Variants in TBC1D32 observed in about 807,000 individuals in gnomAD.
TBC1D32 encodes TBC1 domain family member 32.
A neutral mutation model predicts 170.3 loss-of-function variants in TBC1D32; 151 were observed. The observed-to-expected ratio is 0.89, with a 90% confidence interval of 0.78 to 1.01. TBC1D32 has a LOEUF of 1.01. Among genes scored for constraint, TBC1D32 ranks in the 50% least tolerant of loss-of-function variants. The pLI is 0.00. For missense variants in TBC1D32, 1,464 were observed against 1,457.1 expected (o/e 1.00, Z -0.08); for synonymous variants, 498 against 488.0 (o/e 1.02, Z -0.27).
At chr6:121,127,370 T>C (rs1385715980) in intron 25 of TBC1D32, among the ~76,000 whole-genome samples, 1 of 152,170 alleles carries the variant, frequency 6.6e-6, no homozygotes, top group Non-Finnish European at 1.5e-5. Context: ...TCATAATATT[T>C]TAATGGCTTA....
intron 21 of TBC1D32, among the ~76,000 whole-genome samples, chr6:121,220,285 A>G (rs1272832665): frequency 1.3e-5 from 2 of 152,154 alleles, no homozygotes; most frequent in African/African-American, 4.8e-5. Context: ...TAAAAGTGTT[A>G]CTCCAGGAAA....
chr6:121,208,019 G>C (rs899834287), intron 21 of TBC1D32, among the ~76,000 whole-genome samples: 2 of 151,780 alleles, frequency 1.3e-5, no homozygotes, highest in African/African-American at 2.4e-5. Flanking sequence ...CTCCTTCCTT[G>C]GGATTTTTCA....
chr6:121,147,247 G>A (rs1441054495), intron 24 of TBC1D32, among the ~76,000 whole-genome samples: 1 of 152,108 alleles, frequency 6.6e-6, no homozygotes, highest in Non-Finnish European at 1.5e-5. Flanking sequence ...TTGATTCCAT[G>A]TCTTTGCTAT....
intron 14 of TBC1D32, among the ~76,000 whole-genome samples, chr6:121,280,812 T>A (rs916710274): frequency 1.3e-5 from 2 of 151,606 alleles, no homozygotes; most frequent in Non-Finnish European, 3.0e-5. Flanking sequence ...CATTGATGGG[T>A]GAACATAAGA....
intron 22 of TBC1D32, among the ~76,000 whole-genome samples, chr6:121,195,826 G>T (rs935716522): frequency 6.6e-6 from 1 of 152,178 alleles, no homozygotes; most frequent in Non-Finnish European, 1.5e-5. Context: ...GCACATCCCT[G>T]AAGGACAGTG....
At chr6:121,271,049 T>A (rs958863417) in intron 15 of TBC1D32, among the ~76,000 whole-genome samples, 2 of 151,978 alleles carry the variant, frequency 1.3e-5, no homozygotes, top group African/African-American at 2.4e-5. Flanking sequence ...AGGCCTTCAA[T>A]AAAAATTCAA....
At chr6:121,154,846 G>A (rs1017737973) in intron 24 of TBC1D32, among the ~76,000 whole-genome samples, 3 of 152,138 alleles carry the variant, frequency 2.0e-5, no homozygotes, top group Non-Finnish European at 2.9e-5. Context: ...TCTCTATTCT[G>A]TTTTATTGGT....
chr6:121,108,238 T>G (rs1045829774), intron 29 of TBC1D32, among the ~76,000 whole-genome samples: 1 of 152,116 alleles, frequency 6.6e-6, no homozygotes, highest in African/African-American at 2.4e-5. Context: ...ACTAGATCAA[T>G]AGTGAGAGCT....
rs567462451 is a variant in TBC1D32 at position 121,091,791 on chromosome 6, C to T, written c.3466-750G>A. ...ATGTCAAAGCCCTAACCCCCAGAACCTCATAATACAACTTTATTCGAAAAT... is the reference window on the plus strand; with the variant it reads ...ATGTCAAAGCCCTAACCCCCAGAACTTCATAATACAACTTTATTCGAAAAT... On this transcript the variant is annotated intron_variant, in intron 30 of 31. Coordinates refer to ENST00000398212, the MANE Select transcript of TBC1D32 (RefSeq NM_152730.6). 1.1e-4 allele frequency among the ~76,000 whole-genome samples: 17 copies of T among 150,662 alleles called. No individual in the cohort carries two copies. In the South Asian group the frequency reaches 1.9e-3, roughly 17 times the overall value.
At chr6:121,235,174 T>C (rs1168123443) in intron 20 of TBC1D32, among the ~76,000 whole-genome samples, 1 of 152,144 alleles carries the variant, frequency 6.6e-6, no homozygotes, top group Non-Finnish European at 1.5e-5. Flanking sequence ...GGTTTTGTGT[T>C]GCTTGGCCTC....
intron 17 of TBC1D32, among the ~76,000 whole-genome samples, chr6:121,248,329 A>G (rs573995884): frequency 6.6e-6 from 1 of 152,100 alleles, no homozygotes; most frequent in Non-Finnish European, 1.5e-5. Context: ...TGTTAAAAGG[A>G]AAGTTCATAG....
At chr6:121,187,560 C>A in intron 22 of TBC1D32, among the ~76,000 whole-genome samples, 1 of 152,002 alleles carries the variant, frequency 6.6e-6, no homozygotes, top group East Asian at 1.9e-4. Flanking sequence ...TTGTGGAAGC[C>A]TCCAACCCAT....
chr6:121,203,167 T>C lies in TBC1D32; in HGVS notation c.2570+1908A>G, dbSNP rs191087731. Reference sequence around the variant, plus strand: ...AAGGTTTATGAAAAATGCAAAGCTATGATCTAGATTTATCACCATTAGATA... The same window carrying C: ...AAGGTTTATGAAAAATGCAAAGCTACGATCTAGATTTATCACCATTAGATA... On this transcript the variant is annotated intron_variant, in intron 22 of 31. Transcript: ENST00000398212. Among the ~76,000 whole-genome samples, 19 of 151,526 alleles carry C rather than the reference T, an allele frequency of 1.3e-4. No individual in the cohort carries two copies. The East Asian group carries it at 1.3e-3, about 11-fold the overall frequency.
intron 30 of TBC1D32, among the ~76,000 whole-genome samples, chr6:121,100,872 CA>C (rs1380380808): frequency 6.6e-6 from 1 of 151,282 alleles, no homozygotes; most frequent in Non-Finnish European, 1.5e-5. Flanking sequence ...AGAGAAGCAT[CA>C]AATAGACGCA....
intron 15 of TBC1D32, among the ~76,000 whole-genome samples, chr6:121,269,830 C>A (rs1232264076): frequency 1.3e-5 from 2 of 152,172 alleles, no homozygotes; most frequent in African/African-American, 4.8e-5. Context: ...CACCACATTG[C>A]ACTTATTCCA....
intron 15 of TBC1D32, among the ~76,000 whole-genome samples, chr6:121,276,749 G>C (rs1802272796): frequency 6.6e-6 from 1 of 152,112 alleles, no homozygotes; most frequent in South Asian, 2.1e-4. Flanking sequence ...AAGAAAGCTG[G>C]AGTAGCTGTA....
At chr6:121,109,226 C>A (rs1372300532) in intron 29 of TBC1D32, among the ~76,000 whole-genome samples, 2 of 151,958 alleles carry the variant, frequency 1.3e-5, no homozygotes, top group Non-Finnish European at 2.9e-5. Flanking sequence ...ATTTTTAAAT[C>A]CACGAACTTT....
intron 22 of TBC1D32, chr6:121,162,867 C>G (rs1785936913): frequency 1.1e-5 from 1 of 93,518 alleles, no homozygotes; most frequent in Admixed American, 1.2e-4. Flanking sequence ...TGTGTGTGCG[C>G]ACCGTGCGCG....
chr6:121,213,181 T>C (rs1793305533), intron 21 of TBC1D32, among the ~76,000 whole-genome samples: 1 of 152,070 alleles, frequency 6.6e-6, no homozygotes, highest in Non-Finnish European at 1.5e-5. Context: ...TTCAACATAG[T>C]ATTGGAAGTC....
Sources: gnomAD v4.1 joint callset for allele counts (sites outside exome capture counted in the v4.1 genomes callset) on GRCh38, gnomAD v4.1.1 for gene constraint, MANE v1.5 for transcripts, NCBI Gene and HGNC (gene_info 2026-07-23, HGNC 2026-07-21) for gene names.